Variants in ZDHHC13 observed in about 807,000 individuals in gnomAD.
ZDHHC13 encodes palmitoyltransferase ZDHHC13.
A neutral mutation model predicts 86.0 loss-of-function variants in ZDHHC13; 85 were observed. That is an observed-to-expected ratio of 0.99 (90% CI 0.83 to 1.18). The LOEUF (loss-of-function observed/expected upper bound fraction) is 1.18. Ranked by LOEUF, ZDHHC13 falls within the 50% of genes most tolerant of loss-of-function variation. The pLI is 0.00. For missense variants in ZDHHC13, 711 were observed against 730.2 expected (o/e 0.97, Z 0.30); for synonymous variants, 263 against 246.4 (o/e 1.07, Z -0.63).
chr11:19,121,190 A>T (rs1481428943), intron 1 of ZDHHC13, among the ~76,000 whole-genome samples: 1 of 152,254 alleles, frequency 6.6e-6, no homozygotes, highest in Non-Finnish European at 1.5e-5. Context: ...ATGGCAAGTT[A>T]GCAGAGCCCA....
chr11:19,176,067 A>AC lies in ZDHHC13; in HGVS notation c.*108dup. ...AGAATTCACCTAAGTCCAAAGGAAA[A>AC]CACGTGGTTTTTAAAGCCATTAGGT... On this transcript the variant is annotated 3_prime_UTR_variant, in exon 17 of 17. Coordinates refer to ENST00000446113, the MANE Select transcript of ZDHHC13 (RefSeq NM_019028.3). 7.6e-7 allele frequency: 1 copy of AC among 1,309,486 alleles called. No individual in the cohort carries two copies. The highest frequency in any genetic ancestry group is 1.0e-6 in the Non-Finnish European group (1 of 995,638). The allele number at this position is 1,309,486 out of a possible 1,614,324, so 81.1% of individuals were successfully genotyped here.
intron 8 of ZDHHC13, among the ~76,000 whole-genome samples, chr11:19,154,103 G>A (rs1022195490): frequency 6.6e-6 from 1 of 152,064 alleles, no homozygotes; most frequent in Admixed American, 6.6e-5. Context: ...AGGGCCCTTT[G>A]TCATCCAGGT....
chr11:19,170,313 C>G (rs1030222641), intron 14 of ZDHHC13, 98 bp from the exon 15 acceptor site: 24 of 1,454,670 alleles, frequency 1.6e-5, no homozygotes, highest in Non-Finnish European at 2.1e-5. Context: ...CATACTTTCT[C>G]TTCTCCCTAT....
At chr11:19,175,159 T>C (rs933599348) in intron 16 of ZDHHC13, among the ~76,000 whole-genome samples, 1 of 151,464 alleles carries the variant, frequency 6.6e-6, no homozygotes, top group Non-Finnish European at 1.5e-5. Context: ...GAGGCTGAGG[T>C]GGGCGGATCA....
At chr11:19,127,079 T>C (rs1936647575) in intron 1 of ZDHHC13, among the ~76,000 whole-genome samples, 1 of 152,220 alleles carries the variant, frequency 6.6e-6, no homozygotes, top group Non-Finnish European at 1.5e-5. Flanking sequence ...ATCAACAGTG[T>C]ATAAGCATTC....
chr11:19,175,558 A>G (rs1478141244), intron 16 of ZDHHC13, among the ~76,000 whole-genome samples: 1 of 152,106 alleles, frequency 6.6e-6, no homozygotes, highest in Non-Finnish European at 1.5e-5. Flanking sequence ...TAAGTGGGGA[A>G]TCCAAAATGA....
rs1473414977 is a variant in ZDHHC13, at chr11:19,117,278, T to G, written c.27+2T>G. The G allele has an allele frequency of 5.4e-6, 8 of 1,477,656 alleles. No homozygotes were observed. 91.5% of individuals were successfully genotyped at this position (1,477,656 alleles called of 1,614,324 possible). Reference sequence around the variant, plus strand: ...GAGGGGCCGGGGCTGGGCTCGCAGGTGAGTGCGGCCGGGCGGTGGCTGTCC... The same window carrying G: ...GAGGGGCCGGGGCTGGGCTCGCAGGGGAGTGCGGCCGGGCGGTGGCTGTCC... On this transcript the variant is annotated splice_donor_variant, in intron 1 of 16. Transcript: ENST00000446113. LOFTEE classifies it high-confidence loss of function. The surrounding 1 kb of genome is among the most constrained non-coding windows in gnomAD (Gnocchi z 4.2).
chr11:19,124,694 T>A (rs1178753400), intron 1 of ZDHHC13, among the ~76,000 whole-genome samples: 1 of 152,112 alleles, frequency 6.6e-6, no homozygotes, highest in African/African-American at 2.4e-5. Context: ...TAAAGTAATG[T>A]TTTTATTTAC....
chr11:19,175,837 G>T lies in ZDHHC13; in HGVS notation c.1746G>T (p.Gln582His). 1.2e-6 allele frequency: 2 copies of T among 1,612,794 alleles called. No homozygotes were observed. Among genetic ancestry groups the T allele is most frequent in the Non-Finnish European group, 1.7e-6 (2 of 1,179,596 alleles). ...TTCTTGGCAGTCTTGGATTCATGCA[G>T]AACCTGGCAGATTTCTTTCAGTGTG... ...RKTPYNLGFMQNLADFFQCGC... is the reference protein window; with the variant it reads ...RKTPYNLGFMHNLADFFQCGC... The change falls in exon 17 of 17, where the codon CAG becomes CAT. Residue 582 changes from glutamine (Q) to histidine (H), a missense_variant. Coordinates refer to ENST00000446113, the MANE Select transcript of ZDHHC13 (RefSeq NM_019028.3).
intron 1 of ZDHHC13, among the ~76,000 whole-genome samples, chr11:19,129,485 A>G (rs920490997): frequency 1.3e-5 from 2 of 152,132 alleles, no homozygotes; most frequent in African/African-American, 4.8e-5. Context: ...AAGAATTTTC[A>G]TATAAAGAAT....
chr11:19,133,881 T>C (rs1392281572), intron 1 of ZDHHC13, among the ~76,000 whole-genome samples: 5 of 143,714 alleles, frequency 3.5e-5, no homozygotes, highest in Non-Finnish European at 7.5e-5. Context: ...TCATGGAGGT[T>C]CATTTTATAT....
At chr11:19,168,198 G>A (rs192600039) in intron 14 of ZDHHC13, 12 of 152,312 alleles carry the variant, frequency 7.9e-5, no homozygotes, top group Admixed American at 6.5e-4. Context: ...GCCTTTCAAG[G>A]CCTGACAGTA....
At chr11:19,149,765 T>A (rs1257221734) in intron 5 of ZDHHC13, among the ~76,000 whole-genome samples, 1 of 152,244 alleles carries the variant, frequency 6.6e-6, no homozygotes, top group Non-Finnish European at 1.5e-5. Flanking sequence ...AGTAATTCCA[T>A]GAAAATTGAC....
At chr11:19,169,360 C>T in intron 14 of ZDHHC13, 2 of 985,334 alleles carry the variant, frequency 2.0e-6, no homozygotes, top group Non-Finnish European at 2.4e-6. Context: ...GTGATGATTG[C>T]TCTTAGAATG....
intron 2 of ZDHHC13, among the ~76,000 whole-genome samples, chr11:19,144,924 T>G (rs1482452871): frequency 6.6e-6 from 1 of 152,168 alleles, no homozygotes; most frequent in East Asian, 1.9e-4. Flanking sequence ...GAGACCAGCC[T>G]GGCTAACGTG....
intron 1 of ZDHHC13, among the ~76,000 whole-genome samples, chr11:19,129,460 CAT>C: frequency 6.6e-6 from 1 of 152,106 alleles, no homozygotes; most frequent in African/African-American, 2.4e-5. Context: ...CAAATTTTGT[CAT>C]ATGCTTTACA....
intron 1 of ZDHHC13, chr11:19,118,669 A>G (rs1387720025): frequency 1.3e-5 from 2 of 152,246 alleles, no homozygotes; most frequent in Non-Finnish European, 2.9e-5. Flanking sequence ...TTTAGTAGGG[A>G]AAGGTAGAGA....
chr11:19,149,696 T>C lies in ZDHHC13; in HGVS notation c.519+365T>C, dbSNP rs75488452. Among the ~76,000 whole-genome samples the C allele has an allele frequency of 6.9e-3, 1,056 of 152,336 alleles. 9 individuals carry two copies. The highest frequency in any genetic ancestry group is 0.024 in the African/African-American group (984 of 41,584). ...CACTAAATTAACCCATCATTTGCTT[T>C]CATTATTTGAGCCCAAATGGGAGGC... is the stretch of plus-strand genomic sequence containing the variant. On this transcript the variant is annotated intron_variant, in intron 5 of 16. Coordinates refer to ENST00000446113, the MANE Select transcript of ZDHHC13 (RefSeq NM_019028.3).
intron 1 of ZDHHC13, among the ~76,000 whole-genome samples, chr11:19,135,771 C>T (rs1849120658): frequency 6.6e-6 from 1 of 152,228 alleles, no homozygotes. Context: ...GACCTCTGAC[C>T]CTTGAGCAGC....
Sources: allele counts gnomAD v4.1 joint callset (sites outside exome capture counted in the v4.1 genomes callset), GRCh38; gene constraint gnomAD v4.1.1; non-coding constraint Gnocchi (gnomAD v3.1); transcripts MANE v1.5; gene names NCBI Gene and HGNC (gene_info 2026-07-23, HGNC 2026-07-21).